Variants in FIP1L1 observed in about 807,000 individuals in gnomAD.
FIP1L1 encodes pre-mRNA 3'-end-processing factor FIP1.
FIP1L1 carries 21 observed loss-of-function variants against 84.6 expected under a neutral mutation model. The ratio of observed to expected loss-of-function variants is 0.25; its 90% confidence interval spans 0.18 to 0.36. FIP1L1 has a LOEUF of 0.36. FIP1L1 is among the 10% of genes least tolerant of loss of function. The pLI is 1.00. For missense variants in FIP1L1, 526 were observed against 751.1 expected, an observed-to-expected ratio of 0.70 and a Z score of 3.50; for synonymous variants, 263 against 242.3, an observed-to-expected ratio of 1.09 and a Z score of -0.80.
intron 10 of FIP1L1, among the ~76,000 whole-genome samples, chr4:53,405,512 A>G (rs566338380): frequency 6.6e-6 from 1 of 151,364 alleles, no homozygotes; most frequent in Admixed American, 6.6e-5. Context: ...GTTCCATATG[A>G]ACTTTAAAGT....
intron 13 of FIP1L1, among the ~76,000 whole-genome samples, chr4:53,432,938 G>A (rs1189032670): frequency 6.6e-6 from 1 of 152,142 alleles, no homozygotes; most frequent in African/African-American, 2.4e-5. Context: ...TGTGGGTAGG[G>A]AAGTTAGGGA....
chr4:53,448,339 C>G (rs1775067017), intron 15 of FIP1L1, among the ~76,000 whole-genome samples: 1 of 151,762 alleles, frequency 6.6e-6, no homozygotes, highest in Admixed American at 6.6e-5. Flanking sequence ...GTTAGCTGTC[C>G]CTGTGCTAAT....
chr4:53,422,724 T>TA (rs1560544499), intron 11 of FIP1L1, among the ~76,000 whole-genome samples: 23 of 150,406 alleles, frequency 1.5e-4, no homozygotes, highest in East Asian at 5.8e-4. Context: ...ATATATATAT[T>TA]TTTTTTTTGA....
chr4:53,406,067 G>A (rs980308732), intron 10 of FIP1L1, among the ~76,000 whole-genome samples: 1 of 151,978 alleles, frequency 6.6e-6, no homozygotes, highest in African/African-American at 2.4e-5. Flanking sequence ...TGGTGAGAGA[G>A]GGCATCCCTG....
chr4:53,412,002 C>G (rs1757450258), intron 10 of FIP1L1, among the ~76,000 whole-genome samples: 1 of 151,918 alleles, frequency 6.6e-6, no homozygotes, highest in Non-Finnish European at 1.5e-5. Context: ...CAAAAGTCCC[C>G]ATTATGCCTC....
intron 13 of FIP1L1, chr4:53,440,726 A>C: frequency 1.3e-6 from 1 of 744,660 alleles, no homozygotes; most frequent in Non-Finnish European, 2.4e-6. Flanking sequence ...TGGGGATTTC[A>C]AGGTCCTATT....
intron 10 of FIP1L1, among the ~76,000 whole-genome samples, chr4:53,409,774 G>A (rs1317819784): frequency 2.0e-5 from 3 of 152,196 alleles, no homozygotes; most frequent in African/African-American, 4.8e-5. Context: ...GAGACTCCGT[G>A]GGCGTAGGAC....
At position 53,425,872 on chromosome 4, in the gene FIP1L1, G is replaced by A. The variant is rs1176463659; in HGVS notation, c.924G>A (p.Arg308=). 6.2e-7 allele frequency: 1 copy of A among 1,606,550 alleles called. No individual in the cohort carries two copies. Among genetic ancestry groups the A allele is most frequent in the South Asian group, 1.1e-5 (1 of 90,038 alleles). The part of the protein sequence containing the change: ...RYGRAESPDL[R]RLPGAIDVIG... ...AATTGATTCAATTTTTATGTTACAG[G>A]AGATTACCTGGGGCAATTGATGTTA... Residue 308 remains arginine, a splice_region_variant and synonymous_variant, in exon 12 of 18, where the codon AGG becomes AGA. Coordinates refer to ENST00000337488, the MANE Select transcript of FIP1L1 (RefSeq NM_030917.4).
intron 14 of FIP1L1, among the ~76,000 whole-genome samples, chr4:53,443,063 G>A (rs575800943): frequency 7.8e-4 from 119 of 152,192 alleles, no homozygotes; most frequent in African/African-American, 2.7e-3. Flanking sequence ...TTGGGATAAA[G>A]TAGGGAAAAC....
At chr4:53,398,568 A>G (rs1748610847) in intron 9 of FIP1L1, among the ~76,000 whole-genome samples, 2 of 152,226 alleles carry the variant, frequency 1.3e-5, no homozygotes, top group Admixed American at 1.3e-4. Context: ...AAGGAGAGTG[A>G]TGCTGAATTT....
At chr4:53,447,880 A>T (rs576510379) in intron 15 of FIP1L1, among the ~76,000 whole-genome samples, 1 of 152,128 alleles carries the variant, frequency 6.6e-6, no homozygotes, top group Non-Finnish European at 1.5e-5. Flanking sequence ...CTGTATTTTG[A>T]CTGATAACCA....
chr4:53,451,361 A>T (rs1435146113), intron 15 of FIP1L1, among the ~76,000 whole-genome samples: 4 of 145,252 alleles, frequency 2.8e-5, no homozygotes, highest in South Asian at 2.2e-4. Flanking sequence ...TGTTGTTTAT[A>T]TTCAGGTTAT....
In FIP1L1 at chr4:53,391,420, T is replaced by C; in HGVS notation, c.637-10T>C. ...TGGTATCTTAATGGGGAATATGTTA[T>C]TTAACTTAGGCCGAAGACTGTACTA... On this transcript the variant is annotated splice_polypyrimidine_tract_variant and intron_variant, in intron 8 of 17. Transcript: ENST00000337488. 2 of 1,609,378 alleles carry C rather than the reference T, an allele frequency of 1.2e-6. No homozygotes were observed. Among genetic ancestry groups the C allele is most frequent in the South Asian group, 1.1e-5 (1 of 90,934 alleles).
chr4:53,460,690 TGA>T lies in FIP1L1; in HGVS notation c.*1244_*1245del, dbSNP rs971357311. On this transcript the variant is annotated 3_prime_UTR_variant, in exon 18 of 18. Transcript: ENST00000337488. The stretch of plus-strand genomic sequence containing the variant: ...AAATATAAACAATGTTGTAGAGTAA[TGA>T]GAAATCCTCCACACTGAAAAAAAAC... 2 of 491,954 alleles carry T rather than the reference TGA, an allele frequency of 4.1e-6. No homozygotes were observed. The highest frequency in any genetic ancestry group is 4.0e-5 in the African/African-American group (2 of 49,428). 30.5% of individuals were successfully genotyped at this position (491,954 alleles called of 1,614,324 possible).
chr4:53,438,301 T>G (rs1770380587), intron 13 of FIP1L1, among the ~76,000 whole-genome samples: 1 of 152,180 alleles, frequency 6.6e-6, no homozygotes, highest in Non-Finnish European at 1.5e-5. Flanking sequence ...ACGTTTGAGA[T>G]GAATTTTCTC....
At chr4:53,407,974 G>A (rs542292152) in intron 10 of FIP1L1, among the ~76,000 whole-genome samples, 8 of 152,208 alleles carry the variant, frequency 5.3e-5, no homozygotes, top group Admixed American at 2.0e-4. Context: ...TCTTTTAATT[G>A]GAGCATTTAG....
chr4:53,407,205 T>C (rs552377604), intron 10 of FIP1L1, among the ~76,000 whole-genome samples: 5 of 152,354 alleles, frequency 3.3e-5, no homozygotes, highest in African/African-American at 4.8e-5. Flanking sequence ...TTCTGGTATG[T>C]TGTGTCTTTG....
intron 15 of FIP1L1, among the ~76,000 whole-genome samples, chr4:53,449,333 A>G (rs1775473747): frequency 6.6e-6 from 1 of 152,094 alleles, no homozygotes; most frequent in South Asian, 2.1e-4. Context: ...AAAACTATGA[A>G]TAGGTACTGG....
chr4:53,420,430 A>AG (rs1491108941), intron 11 of FIP1L1, among the ~76,000 whole-genome samples: 1 of 26,122 alleles, frequency 3.8e-5, no homozygotes, highest in Non-Finnish European at 1.3e-4. Context: ...ACTCCATCTC[A>AG]AAAAAAAAAA....
Sources: allele counts gnomAD v4.1 joint callset (sites outside exome capture counted in the v4.1 genomes callset), GRCh38; gene constraint gnomAD v4.1.1; transcripts MANE v1.5; gene names NCBI Gene and HGNC (gene_info 2026-07-23, HGNC 2026-07-21).